Variants in ADAMTS6 observed in about 807,000 individuals in gnomAD.
ADAMTS6 encodes the protein A disintegrin and metalloproteinase with thrombospondin motifs 6.
In ADAMTS6, 23 loss-of-function variants were observed where a neutral mutation model predicts 144.3. That is an observed-to-expected ratio of 0.16 (90% CI 0.11 to 0.23). The LOEUF (loss-of-function observed/expected upper bound fraction) is 0.23. Among genes scored for constraint, ADAMTS6 ranks in the 10% least tolerant of loss-of-function variants. The pLI, the probability that ADAMTS6 is intolerant of heterozygous loss-of-function variation, is 1.00. For synonymous variants in ADAMTS6, 444 were observed against 457.5 expected (o/e 0.97, Z 0.38); for missense variants, 999 against 1,379.6 (o/e 0.72, Z 4.37).
intron 7 of ADAMTS6, among the ~76,000 whole-genome samples, chr5:65,345,638 C>T (rs951551785): frequency 6.6e-6 from 1 of 151,684 alleles, no homozygotes; most frequent in African/African-American, 2.4e-5. Flanking sequence ...TTTGATTATA[C>T]GTTACCAGAA....
At position 65,444,877 on chromosome 5, in the gene ADAMTS6, C is replaced by T. The variant is rs142960807; in HGVS notation, c.1073+6598G>A. On this transcript the variant is annotated intron_variant, in intron 7 of 24. Transcript: ENST00000381055. ...TCTACTAATTACTGTGTGACCTTGC[C>T]AATCAATTTACTTTCCTGTGCTTCA... Among the ~76,000 whole-genome samples, 32 of 152,236 alleles carry T rather than the reference C, an allele frequency of 2.1e-4. No individual in the cohort carries two copies. The South Asian group carries it at 4.8e-3, about 23-fold the overall frequency.
At chr5:65,458,973 G>A (rs11950362) in intron 4 of ADAMTS6, among the ~76,000 whole-genome samples, 30,472 of 151,888 alleles carry the variant, frequency 0.2, 4,559 homozygotes, top group African/African-American at 0.43. Flanking sequence ...ATATCAAAGC[G>A]CATGTTCTTT....
chr5:65,157,553 G>C (rs1440568995), intron 24 of ADAMTS6, among the ~76,000 whole-genome samples: 1 of 152,200 alleles, frequency 6.6e-6, no homozygotes, highest in African/African-American at 2.4e-5. Flanking sequence ...CATGCCCTCT[G>C]TTTCTGTAAA....
intron 14 of ADAMTS6, 97 bp downstream of exon 14, chr5:65,260,503 C>A: frequency 2.2e-6 from 2 of 920,636 alleles, no homozygotes; most frequent in South Asian, 3.0e-5. Flanking sequence ...CCTTCACACA[C>A]ATGTATTTCT....
intron 7 of ADAMTS6, among the ~76,000 whole-genome samples, chr5:65,450,293 C>G (rs1758633114): frequency 6.6e-6 from 1 of 152,030 alleles, no homozygotes; most frequent in African/African-American, 2.4e-5. Flanking sequence ...TAGATAAAGT[C>G]AATTAAAGTA....
intron 14 of ADAMTS6, among the ~76,000 whole-genome samples, chr5:65,255,933 T>A (rs1470816165): frequency 1.3e-5 from 2 of 152,164 alleles, no homozygotes; most frequent in African/African-American, 4.8e-5. Context: ...GGTGGTGTGA[T>A]CATAGCTCAC....
chr5:65,384,367 C>A (rs985730225), intron 7 of ADAMTS6, among the ~76,000 whole-genome samples: 1 of 152,164 alleles, frequency 6.6e-6, no homozygotes, highest in African/African-American at 2.4e-5. Context: ...AGAAACCATG[C>A]CACATCCTCA....
intron 7 of ADAMTS6, among the ~76,000 whole-genome samples, chr5:65,435,558 G>A (rs888649966): frequency 7.2e-5 from 11 of 151,886 alleles, no homozygotes; most frequent in Non-Finnish European, 1.3e-4. Flanking sequence ...ATTAGGAAAG[G>A]CAAGATGAGG....
intron 18 of ADAMTS6, among the ~76,000 whole-genome samples, chr5:65,223,382 C>T (rs113773234): frequency 9.9e-4 from 151 of 152,236 alleles, no homozygotes; most frequent in African/African-American, 3.2e-3. Context: ...TTCAAGTATA[C>T]GATACATTTT....
intron 4 of ADAMTS6, among the ~76,000 whole-genome samples, chr5:65,455,944 C>G (rs1759158539): frequency 6.6e-6 from 1 of 151,782 alleles, no homozygotes; most frequent in Admixed American, 6.6e-5. Context: ...TAACAAACTA[C>G]AAATTATTTG....
chr5:65,356,095 G>C (rs149806541), intron 7 of ADAMTS6, among the ~76,000 whole-genome samples: 2 of 151,516 alleles, frequency 1.3e-5, no homozygotes, highest in African/African-American at 4.8e-5. Context: ...GCATTTAGTA[G>C]ACATATTGTT....
chr5:65,317,349 T>C (rs942226564), intron 9 of ADAMTS6, among the ~76,000 whole-genome samples: 2 of 152,186 alleles, frequency 1.3e-5, no homozygotes, highest in African/African-American at 2.4e-5. Context: ...AGGGCAGATA[T>C]ACTTTTCAAG....
chr5:65,292,255 G>A (rs1045577044), intron 10 of ADAMTS6, among the ~76,000 whole-genome samples: 1 of 152,202 alleles, frequency 6.6e-6, no homozygotes, highest in African/African-American at 2.4e-5. Context: ...TATTTAGTCA[G>A]TGTGCATAAA....
chr5:65,387,059 T>C (rs562319798), intron 7 of ADAMTS6, among the ~76,000 whole-genome samples: 46 of 152,312 alleles, frequency 3.0e-4, no homozygotes, highest in South Asian at 6.2e-4. Flanking sequence ...ATGACACAAT[T>C]TAAAAATTAT....
chr5:65,349,646 G>T (rs1028915019), intron 7 of ADAMTS6, among the ~76,000 whole-genome samples: 2 of 151,988 alleles, frequency 1.3e-5, no homozygotes, highest in African/African-American at 4.8e-5. Context: ...GCTGAGGTCA[G>T]GAGTTCGAGA....
chr5:65,235,320 C>T (rs1349709066), intron 15 of ADAMTS6, among the ~76,000 whole-genome samples: 1 of 152,150 alleles, frequency 6.6e-6, no homozygotes, highest in Non-Finnish European at 1.5e-5. Context: ...TTACATTGTA[C>T]ACCTTAACTA....
At chr5:65,307,546 C>T (rs1368610451) in intron 9 of ADAMTS6, among the ~76,000 whole-genome samples, 1 of 152,116 alleles carries the variant, frequency 6.6e-6, no homozygotes, top group Non-Finnish European at 1.5e-5. Flanking sequence ...GAACTTTGCC[C>T]TTTTTTCTGC....
chr5:65,424,419 A>C (rs1308801340), intron 7 of ADAMTS6, among the ~76,000 whole-genome samples: 1 of 152,246 alleles, frequency 6.6e-6, no homozygotes, highest in Non-Finnish European at 1.5e-5. Flanking sequence ...GGACTTTAAA[A>C]AACTGTTTTA....
At chr5:65,438,682 A>T (rs920696342) in intron 7 of ADAMTS6, among the ~76,000 whole-genome samples, 2 of 152,212 alleles carry the variant, frequency 1.3e-5, no homozygotes, top group African/African-American at 4.8e-5. Flanking sequence ...GCTGTTGGCC[A>T]TCTTCTCCCT....
Sources: allele counts gnomAD v4.1 joint callset (sites outside exome capture counted in the v4.1 genomes callset), GRCh38; gene constraint gnomAD v4.1.1; transcripts MANE v1.5; gene names NCBI Gene and HGNC (gene_info 2026-07-23, HGNC 2026-07-21).